Variants in USP12 observed in about 807,000 individuals in gnomAD.
USP12 encodes the protein ubiquitin specific peptidase 12.
Under a neutral mutation model 45.5 loss-of-function variants are expected in USP12, and 19 were observed. That is an observed-to-expected ratio of 0.42 (90% CI 0.29 to 0.61). The LOEUF (loss-of-function observed/expected upper bound fraction) is 0.61, where lower values mean the gene tolerates loss of function less well. USP12 is among the 20% of genes least tolerant of loss of function. The pLI, the probability that USP12 is intolerant of heterozygous loss-of-function variation, is 0.22. For missense variants in USP12, 242 were observed against 447.7 expected, an observed-to-expected ratio of 0.54 and a Z score of 4.15; for synonymous variants, 149 against 148.8, an observed-to-expected ratio of 1.00 and a Z score of -0.01.
At chr13:27,130,738 G>A (rs1031458434) in intron 1 of USP12, among the ~76,000 whole-genome samples, 21 of 152,262 alleles carry the variant, frequency 1.4e-4, no homozygotes, top group African/African-American at 4.3e-4. Flanking sequence ...ACTTCCCCAC[G>A]ACTAACGTGG....
At chr13:27,069,572 C>G (rs547032404) in intron 8 of USP12, among the ~76,000 whole-genome samples, 188 bp from the exon 9 acceptor site, 5 of 152,338 alleles carry the variant, frequency 3.3e-5, no homozygotes, top group Admixed American at 6.5e-5. Context: ...GAACATACAA[C>G]TACCCTTTGA....
chr13:27,120,598 G>A (rs1030827173), intron 1 of USP12, among the ~76,000 whole-genome samples: 6 of 142,686 alleles, frequency 4.2e-5, no homozygotes, highest in Admixed American at 2.9e-4. Flanking sequence ...CTCCAGCCTA[G>A]GCAACAAGAG....
chr13:27,110,596 T>C (rs2137791955), intron 2 of USP12, among the ~76,000 whole-genome samples: 1 of 152,290 alleles, frequency 6.6e-6, no homozygotes, highest in East Asian at 1.9e-4. Context: ...AGACAAGCAC[T>C]GGTTTCAGAA....
Position 27,069,010 on chromosome 13 carries a change from T to C in USP12, c.*273A>G. On this transcript the variant is annotated 3_prime_UTR_variant, in exon 9 of 9. Coordinates refer to ENST00000282344, the MANE Select transcript of USP12 (RefSeq NM_182488.4). The stretch of plus-strand genomic sequence containing the variant: ...TAAAGAGAAAATGCGTGCCAATGAC[T>C]GGAAGGCTGTTTTAAAAGAGGAGCT... 1 of 451,018 alleles carries C rather than the reference T, an allele frequency of 2.2e-6. No individual in the cohort carries two copies. Among genetic ancestry groups the C allele is most frequent in the Non-Finnish European group, 3.9e-6 (1 of 253,368 alleles). The allele number at this position is 451,018 out of a possible 1,614,324, so 27.9% of individuals were successfully genotyped here.
In USP12 at chr13:27,069,232, A is replaced by G; in HGVS notation, c.*51T>C. 6.7e-7 allele frequency: 1 copy of G among 1,494,202 alleles called. No homozygotes were observed. The highest frequency in any genetic ancestry group is 9.3e-7 in the Non-Finnish European group (1 of 1,074,908). 92.6% of individuals were successfully genotyped at this position (1,494,202 alleles called of 1,614,324 possible). On this transcript the variant is annotated 3_prime_UTR_variant, in exon 9 of 9. Transcript: ENST00000282344. Reference sequence around the variant, plus strand: ...AAATCAGTGCTTGATCCTTTCCAAAATAACCAGAGAAGAAATGAGGCAGAA... The same window carrying G: ...AAATCAGTGCTTGATCCTTTCCAAAGTAACCAGAGAAGAAATGAGGCAGAA...
chr13:27,071,207 C>T (rs1873233506), intron 7 of USP12, 58 bp from the exon 8 acceptor site: 2 of 1,450,028 alleles, frequency 1.4e-6, no homozygotes, highest in Non-Finnish European at 1.9e-6. Context: ...CTCTTTCATG[C>T]TCTAAATTTT....
At chr13:27,116,391 G>A in intron 2 of USP12, 125 bp downstream of exon 2, 1 of 662,840 alleles carries the variant, frequency 1.5e-6, no homozygotes, top group Non-Finnish European at 2.2e-6. Flanking sequence ...TCCCAATCAA[G>A]TCTCTTAGCA....
In USP12 at chr13:27,143,028, G is replaced by A. The variant is rs142691067; in HGVS notation, c.49-26432C>T. The stretch of plus-strand genomic sequence containing the variant: ...GAATCGCTTGAACTGGGGAGGCGGA[G>A]GTTGCAGTGAGCCAAGATCACGCCA... On this transcript the variant is annotated intron_variant, in intron 1 of 8. Coordinates refer to ENST00000282344, the MANE Select transcript of USP12 (RefSeq NM_182488.4). Among the ~76,000 whole-genome samples, 93 of 151,970 alleles carry A rather than the reference G, an allele frequency of 6.1e-4. 2 individuals are homozygous for A. In the East Asian group the frequency reaches 0.014, roughly 23 times the overall value.
intron 2 of USP12, 104 bp from the exon 3 acceptor site, chr13:27,106,048 C>T: frequency 2.2e-6 from 2 of 906,294 alleles, no homozygotes; most frequent in Non-Finnish European, 3.3e-6. Flanking sequence ...CAATCGGTTA[C>T]TACTGTTACT....
intron 2 of USP12, among the ~76,000 whole-genome samples, chr13:27,112,347 A>C (rs1875492174): frequency 1.4e-5 from 2 of 146,728 alleles, no homozygotes; most frequent in African/African-American, 2.5e-5. Flanking sequence ...GTGCAGTGGT[A>C]TGATCATGGC....
chr13:27,115,703 G>A (rs939519911), intron 2 of USP12, among the ~76,000 whole-genome samples: 3 of 152,052 alleles, frequency 2.0e-5, no homozygotes, highest in Non-Finnish European at 4.4e-5. Flanking sequence ...TTTTAAAAAC[G>A]TGTAATTACT....
chr13:27,161,226 T>C (rs1878092856), intron 1 of USP12, among the ~76,000 whole-genome samples: 1 of 152,080 alleles, frequency 6.6e-6, no homozygotes, highest in South Asian at 2.1e-4. Flanking sequence ...TGTGAAACAA[T>C]ATGCCAGAGA....
intron 1 of USP12, among the ~76,000 whole-genome samples, chr13:27,150,471 T>C (rs1355685467): frequency 6.6e-6 from 1 of 152,178 alleles, no homozygotes; most frequent in Non-Finnish European, 1.5e-5. Flanking sequence ...AAACATACCA[T>C]GTTCACAGAC....
chr13:27,156,423 G>A (rs923425292), intron 1 of USP12, among the ~76,000 whole-genome samples: 1 of 152,188 alleles, frequency 6.6e-6, no homozygotes, highest in East Asian at 1.9e-4. Flanking sequence ...ACATTTAAGA[G>A]ATATAGTGAC....
At chr13:27,109,087 A>G (rs557762291) in intron 2 of USP12, among the ~76,000 whole-genome samples, 1 of 152,324 alleles carries the variant, frequency 6.6e-6, no homozygotes, top group South Asian at 2.1e-4. Context: ...TCTTATAAGA[A>G]CCATATTTCA....
At position 27,105,754 on chromosome 13, in the gene USP12, A is replaced by G; in HGVS notation, c.320T>C (p.Ile107Thr). The change falls in exon 3 of 9, where the codon ATC (isoleucine) becomes ACC (threonine). Residue 107 changes from isoleucine (I) to threonine (T), a missense_variant. Physicochemically the swap from Ile to Thr is moderately conservative, Grantham distance 89. Transcript: ENST00000282344. ...KVGVIPPKKF[I>T]TRLRKENELF... is the part of the protein sequence containing the mutation. ...ACCATTTTCTTTCCGTAATCTTGTG[A>G]TGAACTTCTTAGGGGGTATTACTCC... The G allele has an allele frequency of 6.2e-7, 1 of 1,613,556 alleles. No homozygotes were observed. The highest frequency in any genetic ancestry group is 8.5e-7 in the Non-Finnish European group (1 of 1,179,678).
chr13:27,098,604 T>G (rs777176886), intron 3 of USP12, among the ~76,000 whole-genome samples: 10 of 152,250 alleles, frequency 6.6e-5, no homozygotes, highest in Non-Finnish European at 1.5e-4. Context: ...CTGTTGCTGC[T>G]GGGAGTATAA....
chr13:27,105,795 A>G lies in USP12; in HGVS notation c.279T>C (p.Thr93=). The stretch of plus-strand genomic sequence containing the variant: ...GTATTACTCCAACCTTTTTCTTCTG[A>G]GTGGCTATGCTATGGAAGAGATCTG... The part of the protein sequence containing the change: ...CLADLFHSIA[T]QKKKVGVIPP... The change falls in exon 3 of 9, where the codon ACT becomes ACC. Residue 93 remains threonine (T), a synonymous_variant. Transcript: ENST00000282344. 2 of 1,613,784 alleles carry G rather than the reference A, an allele frequency of 1.2e-6. No individual in the cohort carries two copies. The highest frequency in any genetic ancestry group is 8.5e-7 in the Non-Finnish European group (1 of 1,179,792).
At chr13:27,086,189 AAAAAAAAAATATAT>A (rs1874019550) in intron 6 of USP12, among the ~76,000 whole-genome samples, 2 of 81,924 alleles carry the variant, frequency 2.4e-5, no homozygotes, top group Admixed American at 1.5e-4. Context: ...AAAAAAAAAA[AAAAAAAAAATATAT>A]ATATATATAT....
Sources: allele counts gnomAD v4.1 joint callset (sites outside exome capture counted in the v4.1 genomes callset), GRCh38; gene constraint gnomAD v4.1.1; transcripts MANE v1.5; gene names NCBI Gene and HGNC (gene_info 2026-07-23, HGNC 2026-07-21).